Variants in DEGS2 observed in about 807,000 individuals in gnomAD.
DEGS2 encodes sphingolipid delta(4)-desaturase/C4-monooxygenase DES2.
Under a neutral mutation model 23.8 loss-of-function variants are expected in DEGS2, and 19 were observed. The ratio of observed to expected loss-of-function variants is 0.80; its 90% CI spans 0.56 to 1.17. The LOEUF is 1.17. Among genes scored for constraint, DEGS2 ranks in the 50% most tolerant of loss-of-function variants. The pLI is 0.00. For missense variants in DEGS2, 390 were observed against 459.5 expected (o/e 0.85, Z 1.38); for synonymous variants, 218 against 213.7 (o/e 1.02, Z -0.18).
the DEGS2 span, among the ~76,000 whole-genome samples, chr14:100,166,274 GT>G: frequency 1.1e-5 from 1 of 91,452 alleles, no homozygotes; most frequent in South Asian, 4.3e-4. Context: ...GGGGGAGCCT[GT>G]CTGGGGGAGT....
At chr14:100,154,923 A>G (rs1889634416) in intron 1 of DEGS2, among the ~76,000 whole-genome samples, 1 of 151,954 alleles carries the variant, frequency 6.6e-6, no homozygotes. Context: ...CAATAAAGTC[A>G]CTTTTGTCTT....
chr14:100,150,396 C>G (rs1290037854), intron 1 of DEGS2, among the ~76,000 whole-genome samples: 1 of 148,200 alleles, frequency 6.7e-6, no homozygotes, highest in African/African-American at 2.5e-5. Flanking sequence ...CACCCCCCCC[C>G]GCCCCGCCCC....
the DEGS2 span, among the ~76,000 whole-genome samples, chr14:100,166,821 CT>C: frequency 1.3e-5 from 2 of 152,160 alleles, no homozygotes; most frequent in African/African-American, 4.8e-5. Context: ...TTCTAACAGG[CT>C]TTGCTTAAAA....
chr14:100,158,433 G>T (rs569206723), intron 1 of DEGS2, among the ~76,000 whole-genome samples: 46 of 152,000 alleles, frequency 3.0e-4, no homozygotes, highest in African/African-American at 1.0e-3. Context: ...GTGGTGGCAG[G>T]TGCCTGTAAT....
At chr14:100,166,266 G>GGGAGCCTGTCCGGGGAAGTGGGA in the DEGS2 span, among the ~76,000 whole-genome samples, 4 of 16,736 alleles carry the variant, frequency 2.4e-4, no homozygotes, top group Admixed American at 6.6e-4. Flanking sequence ...GGGGAGTGGG[G>GGGAGCCTGTCCGGGGAAGTGGGA]GGAGCCTGTC....
chr14:100,146,961 C>A, intron 2 of DEGS2, 54 bp from the exon 3 acceptor site: 2 of 1,577,754 alleles, frequency 1.3e-6, no homozygotes, highest in Non-Finnish European at 1.7e-6. Context: ...GCCGCACCCG[C>A]GAGCACACAC....
Sources: gnomAD v4.1 joint callset for allele counts (sites outside exome capture counted in the v4.1 genomes callset) on GRCh38, gnomAD v4.1.1 for gene constraint, MANE v1.5 for transcripts, NCBI Gene and HGNC (gene_info 2026-07-23, HGNC 2026-07-21) for gene names.